OR4N2: variants seen among roughly 807,000 people sequenced by gnomAD.
OR4N2 encodes olfactory receptor family 4 subfamily N member 2.
For synonymous variants in OR4N2, 141 were observed against 140.4 expected, an observed-to-expected ratio of 1.00 and a Z score of -0.03; for missense variants, 307 against 377.6, an observed-to-expected ratio of 0.81 and a Z score of 1.55.
At chr14:19,823,335 T>C (rs1399835130) in intron 1 of OR4N2, among the ~76,000 whole-genome samples, 1 of 152,272 alleles carries the variant, frequency 6.6e-6, no homozygotes, top group Non-Finnish European at 1.5e-5. Flanking sequence ...CATCTCATTT[T>C]TATCAGGTTC....
Position 19,828,272 on chromosome 14 carries a change from A to G in OR4N2, c.824A>G (p.His275Arg). 1.9e-6 allele frequency: 3 copies of G among 1,614,132 alleles called. No homozygotes were observed. Among genetic ancestry groups the G allele is most frequent in the Non-Finnish European group, 2.5e-6 (3 of 1,180,002 alleles). ...FPADKVVSLF[H>R]TVIFPLLNPV... ...GCTGACAAGGTGGTTTCTCTCTTCCACACAGTGATTTTTCCTTTGTTGAAT... is the reference window on the plus strand; with the variant it reads ...GCTGACAAGGTGGTTTCTCTCTTCCGCACAGTGATTTTTCCTTTGTTGAAT... The change falls in exon 2 of 2, where the codon CAC (histidine) becomes CGC (arginine). Residue 275 changes from histidine to arginine, a missense_variant. By Grantham distance (29) the His-to-Arg change is conservative. Coordinates refer to ENST00000557677, the MANE Select transcript of OR4N2 (RefSeq NM_001004723.3).
At position 19,810,377 on chromosome 14, in the gene OR4N2, T is replaced by C. The variant is rs1412223616; in HGVS notation, c.-10+6533T>C. Reference sequence around the variant, plus strand: ...GGTTTCAGAGAAGAGGGAACACTTATACACTGCTGGTGGGAATGTAAATTA... The same window carrying C: ...GGTTTCAGAGAAGAGGGAACACTTACACACTGCTGGTGGGAATGTAAATTA... On this transcript the variant is annotated intron_variant, in intron 1 of 1. Coordinates refer to ENST00000557677, the MANE Select transcript of OR4N2 (RefSeq NM_001004723.3). Among the ~76,000 whole-genome samples, 7 of 152,362 alleles carry C rather than the reference T, an allele frequency of 4.6e-5. No homozygotes were observed. In the South Asian group the frequency reaches 1.2e-3, roughly 27 times the overall value.
chr14:19,812,548 C>T (rs1360762797), intron 1 of OR4N2, among the ~76,000 whole-genome samples: 2 of 152,142 alleles, frequency 1.3e-5, no homozygotes, highest in South Asian at 2.1e-4. Flanking sequence ...TCAGTAGAGA[C>T]GAGGTTTCAC....
rs529481232 is a variant in OR4N2 at position 19,813,169 on chromosome 14, G to C, written c.-10+9325G>C. On this transcript the variant is annotated intron_variant, in intron 1 of 1. Coordinates refer to ENST00000557677, the MANE Select transcript of OR4N2 (RefSeq NM_001004723.3). ...AAAAATCATATTTTTAAAAGTTTTGGTGGCAAGACTAACCTACTCCAAGAT... is the reference window on the plus strand; with the variant it reads ...AAAAATCATATTTTTAAAAGTTTTGCTGGCAAGACTAACCTACTCCAAGAT... Among the ~76,000 whole-genome samples the C allele has an allele frequency of 1.6e-4, 25 of 152,314 alleles. No individual in the cohort carries two copies. In the East Asian group the frequency reaches 3.7e-3, roughly 22 times the overall value.
chr14:19,814,520 A>T (rs1879378616), intron 1 of OR4N2, among the ~76,000 whole-genome samples: 1 of 152,370 alleles, frequency 6.6e-6, no homozygotes, highest in African/African-American at 2.4e-5. Context: ...AGTAGAGATA[A>T]ACATTTTAAT....
At position 19,828,464 on chromosome 14, in the gene OR4N2, A is replaced by G. The variant is rs1879785901; in HGVS notation, c.*92A>G. On this transcript the variant is annotated 3_prime_UTR_variant, in exon 2 of 2. Coordinates refer to ENST00000557677, the MANE Select transcript of OR4N2 (RefSeq NM_001004723.3). ...TTTCCAAGTACTGCAATCACTGAGT[A>G]CCTCCCATTTGTCAGGACTATTCTG... is the stretch of plus-strand genomic sequence containing the variant. 8 of 1,231,076 alleles carry G rather than the reference A, an allele frequency of 6.5e-6. No individual in the cohort carries two copies. Among genetic ancestry groups the G allele is most frequent in the Non-Finnish European group, 8.9e-6 (8 of 895,978 alleles). The allele number at this position is 1,231,076 out of a possible 1,614,324, so 76.3% of individuals were successfully genotyped here.
At chr14:19,819,392 TC>T (rs1879506914) in intron 1 of OR4N2, among the ~76,000 whole-genome samples, 2 of 152,362 alleles carry the variant, frequency 1.3e-5, no homozygotes, top group African/African-American at 4.8e-5. Context: ...TCCTTTTCAA[TC>T]TTTTTTCTCC....
chr14:19,806,382 T>C (rs1361981326), intron 1 of OR4N2, among the ~76,000 whole-genome samples: 1 of 152,122 alleles, frequency 6.6e-6, no homozygotes, highest in East Asian at 1.9e-4. Flanking sequence ...GCAGAAAGAT[T>C]TGTCATGTAA....
intron 1 of OR4N2, among the ~76,000 whole-genome samples, chr14:19,804,836 C>G (rs1879124498): frequency 6.6e-6 from 1 of 152,198 alleles, no homozygotes; most frequent in Non-Finnish European, 1.5e-5. Flanking sequence ...AAAGTCTCTT[C>G]AAAGGTCTCT....
In OR4N2 at chr14:19,828,452, C is replaced by T; in HGVS notation, c.*80C>T. On this transcript the variant is annotated 3_prime_UTR_variant, in exon 2 of 2. Coordinates refer to ENST00000557677, the MANE Select transcript of OR4N2 (RefSeq NM_001004723.3). ...TTGATTTGTTTATTTCCAAGTACTG[C>T]AATCACTGAGTACCTCCCATTTGTC... The T allele has an allele frequency of 7.7e-7, 1 of 1,305,976 alleles. No individual in the cohort carries two copies. 80.9% of individuals were successfully genotyped at this position (1,305,976 alleles called of 1,614,324 possible). A position where few individuals can be genotyped will look rare whatever the true frequency, so the allele number is the denominator to read the frequency against.
chr14:19,827,736 C>A lies in OR4N2; in HGVS notation c.288C>A (p.Gly96=), dbSNP rs765413746. The A allele has an allele frequency of 6.2e-7, 1 of 1,614,268 alleles. No individual in the cohort carries two copies. Among genetic ancestry groups the A allele is most frequent in the South Asian group, 1.1e-5 (1 of 91,084 alleles). Residue 96 remains glycine (G), a synonymous_variant, in exon 2 of 2, where the codon GGC becomes GGA. Coordinates refer to ENST00000557677, the MANE Select transcript of OR4N2 (RefSeq NM_001004723.3). The stretch of plus-strand genomic sequence containing the variant: ...CGAAGAAGATAATCTCCTACAGAGG[C>A]TGCATCACTCAGCTCTTTTTCTTGC... ...LSAKKIISYR[G]CITQLFFLHF...
At chr14:19,812,756 A>T (rs1279211205) in intron 1 of OR4N2, among the ~76,000 whole-genome samples, 1 of 151,536 alleles carries the variant, frequency 6.6e-6, no homozygotes, top group Non-Finnish European at 1.5e-5. Flanking sequence ...CAAGCTGAGC[A>T]TTTTTTTTCA....
intron 1 of OR4N2, among the ~76,000 whole-genome samples, chr14:19,821,059 G>A (rs1351279825): frequency 2.0e-4 from 31 of 152,372 alleles, no homozygotes; most frequent in Admixed American, 3.9e-4. Context: ...CCCTGGTGGT[G>A]TAGGCACCTG....
At chr14:19,821,481 C>T (rs760269249) in intron 1 of OR4N2, among the ~76,000 whole-genome samples, 1 of 151,992 alleles carries the variant, frequency 6.6e-6, no homozygotes, top group Non-Finnish European at 1.5e-5. Flanking sequence ...TTTTTTGCCT[C>T]ATCCTACCCC....
rs370388773 is a variant in OR4N2, at chr14:19,827,735, G to T, written c.287G>T (p.Gly96Val). 1.9e-6 allele frequency: 3 copies of T among 1,614,252 alleles called. No homozygotes were observed. The South Asian group carries it at 3.3e-5, about 18-fold the overall frequency. ...LSAKKIISYR[G>V]CITQLFFLHF... ...GCGAAGAAGATAATCTCCTACAGAG[G>T]CTGCATCACTCAGCTCTTTTTCTTG... The change falls in exon 2 of 2, where the codon GGC becomes GTC. Residue 96 changes from glycine to valine, a missense_variant. Coordinates refer to ENST00000557677, the MANE Select transcript of OR4N2 (RefSeq NM_001004723.3).
At chr14:19,816,960 T>G (rs1358921998) in intron 1 of OR4N2, among the ~76,000 whole-genome samples, 1 of 152,256 alleles carries the variant, frequency 6.6e-6, no homozygotes, top group Non-Finnish European at 1.5e-5. Context: ...GATGTGGTGT[T>G]TTTCACTGGT....
At chr14:19,820,874 G>A (rs1286268275) in intron 1 of OR4N2, among the ~76,000 whole-genome samples, 2 of 152,264 alleles carry the variant, frequency 1.3e-5, no homozygotes, top group Admixed American at 6.5e-5. Flanking sequence ...GCTCCATGGG[G>A]GTGGGATCCA....
At chr14:19,823,310 A>C (rs11850251) in intron 1 of OR4N2, among the ~76,000 whole-genome samples, 1 of 150,812 alleles carries the variant, frequency 6.6e-6, no homozygotes. Context: ...TCTTTTTTTT[A>C]AAAAAAAGGT....
At chr14:19,825,939 G>C (rs1420384792) in intron 1 of OR4N2, among the ~76,000 whole-genome samples, 1 of 152,144 alleles carries the variant, frequency 6.6e-6, no homozygotes, top group Non-Finnish European at 1.5e-5. Context: ...TTTGTATTTT[G>C]TTGTAGGCCA....
Sources: allele counts gnomAD v4.1 joint callset (sites outside exome capture counted in the v4.1 genomes callset), GRCh38; gene constraint gnomAD v4.1.1; transcripts MANE v1.5; gene names NCBI Gene and HGNC (gene_info 2026-07-23, HGNC 2026-07-21).